PDE9A: variants seen among roughly 807,000 people sequenced by gnomAD.
The protein encoded by PDE9A is phosphodiesterase 9A, also known as high affinity cGMP-specific 3',5'-cyclic phosphodiesterase 9A.
PDE9A carries 60 observed loss-of-function variants against 87.4 expected under a neutral mutation model. That is an observed-to-expected ratio of 0.69 (90% CI 0.56 to 0.85). The LOEUF is 0.85. PDE9A is among the 40% of genes least tolerant of loss of function. The pLI is 0.00. For missense variants in PDE9A, 665 were observed against 779.0 expected, an observed-to-expected ratio of 0.85 and a Z score of 1.74; for synonymous variants, 272 against 279.4, an observed-to-expected ratio of 0.97 and a Z score of 0.27.
At position 42,722,062 on chromosome 21, in the gene PDE9A, G is replaced by T. The variant is rs1286627598; in HGVS notation, c.263-9708G>T. Among the ~76,000 whole-genome samples, 1 of 151,302 alleles carries T rather than the reference G, an allele frequency of 6.6e-6. No homozygotes were observed. The highest frequency in any genetic ancestry group is 6.6e-5 in the Admixed American group (1 of 15,190). ...ACAATCTCAGCTCACTGCAACCTCCGACTCCCTGGTTCAAGTGATTCTCCT... is the reference window on the plus strand; with the variant it reads ...ACAATCTCAGCTCACTGCAACCTCCTACTCCCTGGTTCAAGTGATTCTCCT... On this transcript the variant is annotated intron_variant, in intron 4 of 19. Coordinates refer to ENST00000291539, the MANE Select transcript of PDE9A (RefSeq NM_002606.3). The surrounding 1 kb of genome is among the most constrained non-coding windows in gnomAD (Gnocchi z 4.1).
At chr21:42,770,892 G>A in intron 18 of PDE9A, 94 bp downstream of exon 18, 1 of 912,894 alleles carries the variant, frequency 1.1e-6, no homozygotes, top group South Asian at 1.4e-5. Context: ...GTGCCAAGCA[G>A]GGCACCACTG....
intron 8 of PDE9A, among the ~76,000 whole-genome samples, chr21:42,747,994 G>A (rs1264930518): frequency 6.6e-6 from 1 of 152,166 alleles, no homozygotes; most frequent in Non-Finnish European, 1.5e-5. Flanking sequence ...GAGAGGGGCT[G>A]CCTGGCCAGG....
At chr21:42,654,009 C>T (rs1410088431) in intron 1 of PDE9A, 126 bp downstream of exon 1, 39 of 330,788 alleles carry the variant, frequency 1.2e-4, no homozygotes, top group Non-Finnish European at 1.3e-4. Context: ...GCTCCGCCAG[C>T]TCTGGTCGGG....
In PDE9A at chr21:42,759,479, G is replaced by A. The variant is rs1455652643; in HGVS notation, c.897+394G>A. 6.7e-6 allele frequency among the ~76,000 whole-genome samples: 1 copy of A among 148,952 alleles called. No homozygotes were observed. The highest frequency in any genetic ancestry group is 2.5e-5 in the African/African-American group (1 of 40,262). ...TGTGGGGTGTGGATGTGAGCATGGGGGTGTCTGCATGTGTTTGTGAGTGGG... is the reference window on the plus strand; with the variant it reads ...TGTGGGGTGTGGATGTGAGCATGGGAGTGTCTGCATGTGTTTGTGAGTGGG... On this transcript the variant is annotated intron_variant, in intron 11 of 19. Transcript: ENST00000291539. The surrounding 1 kb of genome is among the most constrained non-coding windows in gnomAD (Gnocchi z 7.2).
intron 6 of PDE9A, 139 bp downstream of exon 6, chr21:42,732,263 G>A (rs1255486869): frequency 9.2e-6 from 7 of 763,222 alleles, no homozygotes; most frequent in Admixed American, 2.4e-5. Flanking sequence ...TGCCCGCACG[G>A]TGGAAGCCTT....
intron 1 of PDE9A, among the ~76,000 whole-genome samples, chr21:42,664,374 T>C (rs979857533): frequency 1.3e-5 from 2 of 152,146 alleles, no homozygotes; most frequent in African/African-American, 4.8e-5. Context: ...CAGCCGCTCC[T>C]GATGGTGCTG....
At chr21:42,721,302 C>G (rs2146587901) in intron 4 of PDE9A, among the ~76,000 whole-genome samples, 1 of 152,266 alleles carries the variant, frequency 6.6e-6, no homozygotes, top group East Asian at 1.9e-4. Flanking sequence ...AATGCCTGCC[C>G]CTGAGGTGAA....
chr21:42,714,320 A>G (rs1407689635), intron 4 of PDE9A, among the ~76,000 whole-genome samples: 1 of 152,112 alleles, frequency 6.6e-6, no homozygotes, highest in East Asian at 1.9e-4. Flanking sequence ...CCCAGCCCCA[A>G]CTTTTATTTT....
chr21:42,768,581 G>C (rs2056620017), intron 16 of PDE9A: 1 of 985,358 alleles, frequency 1.0e-6, no homozygotes, highest in African/African-American at 1.7e-5. Context: ...TTGCCTGAAA[G>C]TCAAGAAGCA....
At position 42,751,145 on chromosome 21, in the gene PDE9A, T is replaced by C. The variant is rs773948486; in HGVS notation, c.683T>C (p.Leu228Ser). 1.2e-6 allele frequency: 2 copies of C among 1,612,940 alleles called. No individual in the cohort carries two copies. The highest frequency in any genetic ancestry group is 2.7e-5 in the African/African-American group (2 of 74,884). Residue 228 changes from leucine (L) to serine (S), a missense_variant, in exon 9 of 20, where the codon TTG becomes TCG. Physicochemically the swap from Leu to Ser is moderately radical, Grantham distance 145. Transcript: ENST00000291539. ...RTNCPCKYSFLDNHKKLTPRR... is the reference protein window; with the variant it reads ...RTNCPCKYSFSDNHKKLTPRR... ...AACTGCCCCTGTAAGTACAGTTTTT[T>C]GGATAACCACAAGAAGTTGACTCCT... is the stretch of plus-strand genomic sequence containing the variant.
intron 7 of PDE9A, chr21:42,741,011 G>A (rs1023120566): frequency 2.0e-5 from 3 of 152,128 alleles, no homozygotes; most frequent in Non-Finnish European, 4.4e-5. Context: ...CATAGTCAAT[G>A]GTCCATGGAC....
intron 10 of PDE9A, 62 bp downstream of exon 10, chr21:42,754,126 A>T: frequency 4.3e-6 from 4 of 931,112 alleles, no homozygotes; most frequent in Non-Finnish European, 7.0e-6. Flanking sequence ...CTTGGACGCC[A>T]GTGGGACCAC....
chr21:42,731,913 C>G lies in PDE9A; in HGVS notation c.406C>G (p.Gln136Glu). The change falls in exon 5 of 20, where the codon CAG (glutamine) becomes GAG (glutamate). Residue 136 changes from glutamine (Q) to glutamate (E), a missense_variant. Gln to Glu is a conservative substitution (Grantham distance 29). Transcript: ENST00000291539. The part of the protein sequence containing the change: ...GQVEPRPREP[Q>E]GCYQEGQRIP... The stretch of plus-strand genomic sequence containing the variant: ...GGTAGAGCCCAGGCCCAGAGAGCCC[C>G]AGGGCTGCTACCAGGAAGGCCAGCG... 6.2e-7 allele frequency: 1 copy of G among 1,614,056 alleles called. No individual in the cohort carries two copies. Among genetic ancestry groups the G allele is most frequent in the Non-Finnish European group, 8.5e-7 (1 of 1,179,934 alleles).
chr21:42,715,556 G>A (rs965258411), intron 4 of PDE9A, among the ~76,000 whole-genome samples: 1 of 151,716 alleles, frequency 6.6e-6, no homozygotes, highest in African/African-American at 2.4e-5. Context: ...GGCGGAGGTT[G>A]CAGTGAGCTG....
At position 42,760,758 on chromosome 21, in the gene PDE9A, C is replaced by A. The variant is rs1489646351; in HGVS notation, c.1003-67C>A. The A allele has an allele frequency of 1.5e-5, 3 of 197,672 alleles. No homozygotes were observed. Among genetic ancestry groups the A allele is most frequent in the African/African-American group, 1.7e-4 (1 of 5,816 alleles). The allele number at this position is 197,672 out of a possible 1,614,324, so 12.2% of individuals were successfully genotyped here. On this transcript the variant is annotated intron_variant, in intron 12 of 19. Transcript: ENST00000291539. The surrounding 1 kb of genome is among the most constrained non-coding windows in gnomAD (Gnocchi z 5.2). The stretch of plus-strand genomic sequence containing the variant: ...CCGCTTACCACTCACCCAATTCCAC[C>A]CCCCCTCACCCCATCCCACCCTCCG...
chr21:42,745,636 T>C (rs1017170817), intron 8 of PDE9A, among the ~76,000 whole-genome samples: 8 of 152,208 alleles, frequency 5.3e-5, no homozygotes, highest in African/African-American at 1.9e-4. Flanking sequence ...CCGTGGGCTC[T>C]ACGTGGCTTG....
intron 1 of PDE9A, among the ~76,000 whole-genome samples, chr21:42,667,805 C>T (rs2058109126): frequency 6.6e-6 from 1 of 152,142 alleles, no homozygotes; most frequent in Non-Finnish European, 1.5e-5. Flanking sequence ...GGACCCCCTG[C>T]AGTCCTGACT....
chr21:42,733,684 C>T (rs1158598028), intron 7 of PDE9A: 3 of 502,448 alleles, frequency 6.0e-6, no homozygotes, highest in Non-Finnish European at 1.1e-5. Context: ...AATGAACACA[C>T]GAAGCCTTCC....
At chr21:42,676,426 T>C (rs1410007377) in intron 1 of PDE9A, among the ~76,000 whole-genome samples, 1 of 152,216 alleles carries the variant, frequency 6.6e-6, no homozygotes, top group Non-Finnish European at 1.5e-5. Context: ...CAACACCCCA[T>C]GCCTAACTCG....
Sources: allele counts gnomAD v4.1 joint callset (sites outside exome capture counted in the v4.1 genomes callset), GRCh38; gene constraint gnomAD v4.1.1; non-coding constraint Gnocchi (gnomAD v3.1); transcripts MANE v1.5; gene names NCBI Gene and HGNC (gene_info 2026-07-23, HGNC 2026-07-21).